The following TTI1 variants were observed in gnomAD, a reference collection of about 807,000 sequenced individuals.
TTI1 encodes the protein TELO2-interacting protein 1 homolog.
Under a neutral mutation model 85.4 loss-of-function variants are expected in TTI1, and 52 were observed. The observed-to-expected ratio is 0.61, with a 90% confidence interval of 0.49 to 0.77. The LOEUF (loss-of-function observed/expected upper bound fraction) is 0.77, where lower values mean the gene tolerates loss of function less well. TTI1 is among the 30% of genes least tolerant of loss of function. TTI1 has a pLI of 0.00. For synonymous variants in TTI1, 512 were observed against 503.9 expected (o/e 1.02, Z -0.22); for missense variants, 1,173 against 1,296.0 (o/e 0.91, Z 1.46).
At chr20:38,033,143 A>G (rs1183362787) in intron 1 of TTI1, among the ~76,000 whole-genome samples, 5 of 152,138 alleles carry the variant, frequency 3.3e-5, no homozygotes, top group South Asian at 4.1e-4. Context: ...TCACTTTCGG[A>G]CAGAGAACGA....
intron 1 of TTI1, among the ~76,000 whole-genome samples, chr20:38,030,275 G>T (rs180857040): frequency 1.3e-5 from 2 of 152,050 alleles, no homozygotes; most frequent in East Asian, 3.9e-4. Context: ...AGCAGGGAGT[G>T]GAGGGAATCT....
At chr20:38,017,418 G>GTGTGTGTC (rs555784950) in intron 1 of TTI1, among the ~76,000 whole-genome samples, 1 of 151,424 alleles carries the variant, frequency 6.6e-6, no homozygotes, top group African/African-American at 2.4e-5. Flanking sequence ...GTGTGTGTGT[G>GTGTGTGTC]TGTGTGTGTG....
chr20:38,008,267 T>C (rs918870889), intron 2 of TTI1, among the ~76,000 whole-genome samples: 1 of 152,174 alleles, frequency 6.6e-6, no homozygotes, highest in African/African-American at 2.4e-5. Context: ...CCAGCATTTT[T>C]TTCAGAAATT....
intron 1 of TTI1, among the ~76,000 whole-genome samples, chr20:38,020,774 T>C (rs1418870063): frequency 2.0e-5 from 3 of 151,928 alleles, no homozygotes; most frequent in Non-Finnish European, 2.9e-5. Context: ...GTCAGGAAAA[T>C]GCAATTTAAA....
At chr20:38,003,339 T>C (rs1464992427) in intron 3 of TTI1, among the ~76,000 whole-genome samples, 3 of 152,030 alleles carry the variant, frequency 2.0e-5, no homozygotes, top group Admixed American at 6.5e-5. Flanking sequence ...CAACACAAAA[T>C]TGCATATGCA....
intron 1 of TTI1, among the ~76,000 whole-genome samples, chr20:38,025,007 C>T (rs546675729): frequency 6.6e-6 from 1 of 152,276 alleles, no homozygotes. Context: ...CACCTCCACT[C>T]AGCAGTAGTG....
intron 2 of TTI1, among the ~76,000 whole-genome samples, chr20:38,007,252 C>T (rs535993620): frequency 2.0e-4 from 30 of 152,366 alleles, no homozygotes; most frequent in Non-Finnish European, 4.0e-4. Context: ...ATGGTCTCAC[C>T]TTGTATTTCT....
chr20:37,984,672 A>C (rs539754172), intron 7 of TTI1, among the ~76,000 whole-genome samples: 4 of 152,276 alleles, frequency 2.6e-5, no homozygotes, highest in South Asian at 2.1e-4. Flanking sequence ...CATTTTGCCC[A>C]CACCACTGTG....
chr20:37,994,294 C>T (rs894143112), intron 7 of TTI1, among the ~76,000 whole-genome samples: 7 of 152,156 alleles, frequency 4.6e-5, no homozygotes, highest in Admixed American at 1.3e-4. Context: ...CCACCATGCC[C>T]AGCTAACTTT....
rs772957731 is a variant in TTI1 at position 37,988,252 on chromosome 20, A to G, written c.3087-4613T>C. On this transcript the variant is annotated intron_variant, in intron 7 of 7. Transcript: ENST00000373447. ...CACGGCAAGTTGCTTCTCTGTAAAG[A>G]GCGAGTGGACCAGATCAGTTCTAAG... Among the ~76,000 whole-genome samples the G allele has an allele frequency of 9.4e-4, 143 of 152,206 alleles. 2 individuals carry two copies. Among genetic ancestry groups the G allele is most frequent in the Non-Finnish European group, 2.8e-4 (19 of 68,042 alleles).
In TTI1 at chr20:38,011,665, C is replaced by T. The variant is rs190401397; in HGVS notation, c.2152G>A (p.Val718Ile). 2.3e-4 allele frequency: 365 copies of T among 1,614,186 alleles called. 1 individual carries two copies. In the Admixed American group the frequency reaches 6.0e-3, roughly 26 times the overall value. ...GAGTTCCGCAGCATGACTTCCAGGA[C>T]CTTTGGGGTATGAGGATGCAGAGCC... ...HLALHPHTPK[V>I]LEVMLRNSDA... Residue 718 changes from valine (V) to isoleucine (I), a missense_variant, in exon 2 of 8, where the codon GTC becomes ATC. Transcript: ENST00000373447.
At chr20:37,993,457 G>A (rs1439478870) in intron 7 of TTI1, among the ~76,000 whole-genome samples, 1 of 152,128 alleles carries the variant, frequency 6.6e-6, no homozygotes, top group Non-Finnish European at 1.5e-5. Flanking sequence ...GCCAGGAAAA[G>A]CAAATGGGAG....
At chr20:37,986,578 C>A (rs553719023) in intron 7 of TTI1, among the ~76,000 whole-genome samples, 2 of 152,336 alleles carry the variant, frequency 1.3e-5, no homozygotes, top group Admixed American at 1.3e-4. Context: ...CCTTCTCCCA[C>A]CTCTGTGGCT....
chr20:37,997,528 C>A (rs551014834), intron 5 of TTI1, among the ~76,000 whole-genome samples: 6 of 151,872 alleles, frequency 4.0e-5, no homozygotes, highest in African/African-American at 1.4e-4. Flanking sequence ...CTCATTCTAT[C>A]TTTCAGAACA....
In TTI1 at chr20:38,012,417, G is replaced by C; in HGVS notation, c.1400C>G (p.Pro467Arg). The change falls in exon 2 of 8, where the codon CCT becomes CGT. Residue 467 changes from proline (P) to arginine (R), a missense_variant. Physicochemically the swap from Pro to Arg is moderately radical, Grantham distance 103. Transcript: ENST00000373447. ...ATATCTCCTCTGGATGCGGTTCCAA[G>C]GCTGTGTGGCTGAGGTCTTTGGAGA... ...NASPKTSATQ[P>R]WNRIQRRYFR... 1 of 1,614,198 alleles carries C rather than the reference G, an allele frequency of 6.2e-7. No homozygotes were observed. The highest frequency in any genetic ancestry group is 2.2e-5 in the East Asian group (1 of 44,890).
rs117793775 is a variant in TTI1, at chr20:38,028,702, C to T, written c.-42+4702G>A. On this transcript the variant is annotated intron_variant, in intron 1 of 7. Transcript: ENST00000373447. The stretch of plus-strand genomic sequence containing the variant: ...ATCCTACAATAGCAGACTACACATT[C>T]TTTTGTTGTTGTTATTTGTTTTTTT... Among the ~76,000 whole-genome samples the T allele has an allele frequency of 4.5e-4, 69 of 152,224 alleles. No homozygotes were observed. The East Asian group carries it at 0.013, about 28-fold the overall frequency.
At chr20:38,003,234 A>C (rs969469723) in intron 3 of TTI1, among the ~76,000 whole-genome samples, 1 of 152,180 alleles carries the variant, frequency 6.6e-6, no homozygotes, top group Non-Finnish European at 1.5e-5. Context: ...TAGTGCTGGG[A>C]TTACAGGTAT....
At chr20:38,009,889 C>T (rs2073558006) in intron 2 of TTI1, among the ~76,000 whole-genome samples, 1 of 152,190 alleles carries the variant, frequency 6.6e-6, no homozygotes. Context: ...GTGTTGCTTC[C>T]TCAGAGAGGC....
chr20:37,997,474 G>A (rs1000849320), intron 5 of TTI1, among the ~76,000 whole-genome samples: 1 of 151,672 alleles, frequency 6.6e-6, no homozygotes, highest in East Asian at 1.9e-4. Context: ...CAGCCGACTC[G>A]GTGTTCCTTC....
Sources: allele counts gnomAD v4.1 joint callset (sites outside exome capture counted in the v4.1 genomes callset), GRCh38; gene constraint gnomAD v4.1.1; transcripts MANE v1.5; gene names NCBI Gene and HGNC (gene_info 2026-07-23, HGNC 2026-07-21).